Variants in PGLS observed in about 807,000 individuals in gnomAD.
PGLS encodes epididymis secretory protein Li 304.
PGLS carries 21 observed loss-of-function variants against 23.2 expected under a neutral mutation model. The observed-to-expected ratio is 0.91, with a 90% confidence interval of 0.64 to 1.31. The LOEUF (loss-of-function observed/expected upper bound fraction) is 1.31. Among genes scored for constraint, PGLS ranks in the 50% most tolerant of loss-of-function variants. The pLI, the probability that PGLS is intolerant of heterozygous loss-of-function variation, is 0.00. For missense variants in PGLS, 410 were observed against 354.0 expected, an observed-to-expected ratio of 1.16 and a Z score of -1.27; for synonymous variants, 179 against 165.4, an observed-to-expected ratio of 1.08 and a Z score of -0.63.
chr19:17,520,902 TGGGCCGCAGGCA>T, intron 4 of PGLS, 30 bp from the exon 5 acceptor site: 7 of 1,522,128 alleles, frequency 4.6e-6, no homozygotes, highest in Non-Finnish European at 6.2e-6. Flanking sequence ...GGGCGGTGCC[TGGGCCGCAGGCA>T]GGGCCTTACT....
rs1167631414 is a variant in PGLS at position 17,521,009 on chromosome 19, A to G, written c.705A>G (p.Lys235=). ...CCCTGGTCCAGCCCCACACCGGGAAACTGTGCTGGTTCTTGGACGAGGCGG... is the reference window on the plus strand; with the variant it reads ...CCCTGGTCCAGCCCCACACCGGGAAGCTGTGCTGGTTCTTGGACGAGGCGG... ...PAALVQPHTG[K]LCWFLDEAAA... Residue 235 remains lysine (K), a synonymous_variant, in exon 5 of 5, where the codon AAA becomes AAG. Coordinates refer to ENST00000252603, the MANE Select transcript of PGLS (RefSeq NM_012088.3). 6.2e-7 allele frequency: 1 copy of G among 1,601,654 alleles called. No individual in the cohort carries two copies. The highest frequency in any genetic ancestry group is 1.3e-5 in the African/African-American group (1 of 74,606).
In PGLS at chr19:17,517,271, CT is replaced by C; in HGVS notation, c.397-15del. ...GCCACCTACAACCTCTCAAGGCTGTCTTCTCCCCACGCCCAGGCATTCCAAG... is the reference window on the plus strand; with the variant it reads ...GCCACCTACAACCTCTCAAGGCTGTCTCTCCCCACGCCCAGGCATTCCAAG... On this transcript the variant is annotated splice_polypyrimidine_tract_variant and intron_variant, in intron 2 of 4. Transcript: ENST00000252603. The C allele has an allele frequency of 6.3e-7, 1 of 1,581,286 alleles. No homozygotes were observed. The highest frequency in any genetic ancestry group is 8.7e-7 in the Non-Finnish European group (1 of 1,150,702).
At position 17,516,549 on chromosome 19, in the gene PGLS, A is replaced by C. The variant is rs148538651; in HGVS notation, c.396+269A>C. The C allele has an allele frequency of 5.6e-4, 663 of 1,182,582 alleles. 1 individual carries two copies. In the African/African-American group the frequency reaches 9.2e-3, roughly 16 times the overall value. The allele number at this position is 1,182,582 out of a possible 1,614,324, so 73.3% of individuals were successfully genotyped here. A position where few individuals can be genotyped will look rare whatever the true frequency, so the allele number is the denominator to read the frequency against. Reference sequence around the variant, plus strand: ...ATGGCTTTGATCACAGGCTACATTGAGCACTGTTTCCTGCGTTACAGCTAC... The same window carrying C: ...ATGGCTTTGATCACAGGCTACATTGCGCACTGTTTCCTGCGTTACAGCTAC... On this transcript the variant is annotated intron_variant, in intron 2 of 4. Transcript: ENST00000252603.
rs1223488436 is a variant in PGLS at position 17,511,964 on chromosome 19, A to AG, written c.288+5dup. 1.3e-6 allele frequency: 2 copies of AG among 1,544,490 alleles called. No individual in the cohort carries two copies. Among genetic ancestry groups the AG allele is most frequent in the Non-Finnish European group, 8.7e-7 (1 of 1,146,758 alleles). On this transcript the variant is annotated splice_donor_region_variant and intron_variant, in intron 1 of 4. Transcript: ENST00000252603. ...GAGCACGTACGGCCTCTACCGGGTG[A>AG]GAGCTACGGGGGCCGCCGGGGATCA...
intron 4 of PGLS, among the ~76,000 whole-genome samples, chr19:17,520,198 C>T (rs1022541983): frequency 3.8e-4 from 58 of 151,916 alleles, no homozygotes; most frequent in African/African-American, 1.3e-3. Context: ...GGTGGCTCAA[C>T]GTGGGAGTTC....
chr19:17,520,027 C>T (rs918052365), intron 4 of PGLS, among the ~76,000 whole-genome samples: 1 of 152,116 alleles, frequency 6.6e-6, no homozygotes, highest in Non-Finnish European at 1.5e-5. Flanking sequence ...GTGCCATGTG[C>T]CTGTGGTCCC....
At chr19:17,518,573 A>G (rs2075544119) in intron 4 of PGLS, 1 of 151,870 alleles carries the variant, frequency 6.6e-6, no homozygotes, top group African/African-American at 2.4e-5. Flanking sequence ...CTCTGTCGCC[A>G]AGGCTGGAGT....
chr19:17,513,919 T>C (rs868338035), intron 1 of PGLS, among the ~76,000 whole-genome samples: 2 of 152,200 alleles, frequency 1.3e-5, no homozygotes, highest in African/African-American at 2.4e-5. Flanking sequence ...CCATTTGAGC[T>C]GAGAGCTGGA....
chr19:17,514,013 G>A (rs755621232), intron 1 of PGLS, among the ~76,000 whole-genome samples: 11 of 152,318 alleles, frequency 7.2e-5, no homozygotes, highest in Non-Finnish European at 1.0e-4. Flanking sequence ...CAAACCTGAA[G>A]CCAGGACTTG....
intron 1 of PGLS, 46 bp downstream of exon 1, chr19:17,512,006 G>A (rs1864875934): frequency 6.7e-7 from 1 of 1,500,172 alleles, no homozygotes; most frequent in Non-Finnish European, 8.9e-7. Flanking sequence ...GAGGGCCACA[G>A]CCACCGCCTA....
In PGLS at chr19:17,516,324, C is replaced by T. The variant is rs149352042; in HGVS notation, c.396+44C>T. 1,299 of 1,578,542 alleles carry T rather than the reference C, an allele frequency of 8.2e-4. 9 individuals carry two copies. The African/African-American group carries it at 0.013, about 16-fold the overall frequency. ...CCGCAAGGGAGTCACATCCACGAAG[C>T]GGCCACACCCCGGGCAACAGAGCGG... On this transcript the variant is annotated intron_variant, in intron 2 of 4. Coordinates refer to ENST00000252603, the MANE Select transcript of PGLS (RefSeq NM_012088.3).
At position 17,520,935 on chromosome 19, in the gene PGLS, C is replaced by G. The variant is rs1337275847; in HGVS notation, c.640-9C>G. 5.0e-6 allele frequency: 8 copies of G among 1,588,624 alleles called. No homozygotes were observed. Among genetic ancestry groups the G allele is most frequent in the Non-Finnish European group, 6.0e-6 (7 of 1,166,856 alleles). On this transcript the variant is annotated splice_polypyrimidine_tract_variant and intron_variant, in intron 4 of 4. Transcript: ENST00000252603. ...AGGCAGGGCCTTACTCTTCTGCCCT[C>G]TTCTTCAGCGCATTTTGGAGGACCA...
intron 3 of PGLS, 51 bp downstream of exon 3, chr19:17,517,440 C>T: frequency 7.2e-7 from 1 of 1,392,336 alleles, no homozygotes; most frequent in East Asian, 2.3e-5. Flanking sequence ...CAGTCCCTAA[C>T]ATCTGGGACT....
intron 2 of PGLS, chr19:17,516,583 CTTTT>C (rs999905398): frequency 5.8e-5 from 41 of 709,324 alleles, no homozygotes; most frequent in East Asian, 8.7e-5. Flanking sequence ...ACTTGTATTT[CTTTT>C]TTTTTTTTTT....
At position 17,516,135 on chromosome 19, in the gene PGLS, C is replaced by T. The variant is rs754316075; in HGVS notation, c.289-38C>T. On this transcript the variant is annotated intron_variant, in intron 1 of 4. Transcript: ENST00000252603. ...ACTCCCTGGAGGATCCAGGTGGTCA[C>T]GTTACTGTTGGTGACATTGTCCCTC... 27 of 1,499,434 alleles carry T rather than the reference C, an allele frequency of 1.8e-5. No individual in the cohort carries two copies. In the African/African-American group the frequency reaches 2.1e-4, roughly 11 times the overall value. The allele number at this position is 1,499,434 out of a possible 1,614,324, so 92.9% of individuals were successfully genotyped here. A position where few individuals can be genotyped will look rare whatever the true frequency, so the allele number is the denominator to read the frequency against.
intron 4 of PGLS, chr19:17,520,658 G>T: frequency 3.9e-6 from 1 of 256,816 alleles, no homozygotes; most frequent in Non-Finnish European, 7.3e-6. Flanking sequence ...TTGAAACCGG[G>T]AGGCGGAGGT....
intron 1 of PGLS, chr19:17,512,984 C>T (rs963255452): frequency 2.6e-5 from 4 of 152,374 alleles, no homozygotes; most frequent in African/African-American, 7.2e-5. Context: ...CTTACCTGCC[C>T]AAGGCATCTA....
chr19:17,511,931 C>A lies in PGLS; in HGVS notation c.259C>A (p.His87Asn), dbSNP rs1189434788. 6.5e-7 allele frequency: 1 copy of A among 1,550,082 alleles called. No homozygotes were observed. Among genetic ancestry groups the A allele is most frequent in the Admixed American group, 1.9e-5 (1 of 51,678 alleles). Residue 87 changes from histidine (H) to asparagine (N), a missense_variant, in exon 1 of 5, where the codon CAC becomes AAC. Physicochemically the swap from His to Asn is moderately conservative, Grantham distance 68 (BLOSUM62 1). Coordinates refer to ENST00000252603, the MANE Select transcript of PGLS (RefSeq NM_012088.3). ...FCDERLVPFDHAESTYGLYRT... is the reference protein window; with the variant it reads ...FCDERLVPFDNAESTYGLYRT... ...CGACGAGCGCCTCGTGCCCTTCGAT[C>A]ACGCCGAGAGCACGTACGGCCTCTA...
At chr19:17,512,297 C>G (rs1254182718) in intron 1 of PGLS, 1 of 374,936 alleles carries the variant, frequency 2.7e-6, no homozygotes, top group South Asian at 3.2e-5. Context: ...CGCCCGCCTC[C>G]TGAACCCCGC....
Sources: gnomAD v4.1 joint callset for allele counts (sites outside exome capture counted in the v4.1 genomes callset) on GRCh38, gnomAD v4.1.1 for gene constraint, MANE v1.5 for transcripts, NCBI Gene and HGNC (gene_info 2026-07-23, HGNC 2026-07-21) for gene names.